ULK4: variants seen among roughly 807,000 people sequenced by gnomAD.
The protein encoded by ULK4 is unc-51 like kinase 4, also known as inactive serine/threonine-protein kinase ULK4.
In ULK4, 133 loss-of-function variants were observed where a neutral mutation model predicts 160.6. The ratio of observed to expected loss-of-function variants is 0.83; its 90% CI spans 0.72 to 0.96. The LOEUF (loss-of-function observed/expected upper bound fraction) is 0.96, where lower values mean the gene tolerates loss of function less well. ULK4 is among the 40% of genes least tolerant of loss of function. The pLI is 0.00. For synonymous variants in ULK4, 534 were observed against 539.8 expected (o/e 0.99, Z 0.15); for missense variants, 1,580 against 1,499.5 (o/e 1.05, Z -0.89).
At chr3:41,743,724 G>A (rs1360458928) in intron 22 of ULK4, among the ~76,000 whole-genome samples, 4 of 151,770 alleles carry the variant, frequency 2.6e-5, no homozygotes, top group Non-Finnish European at 4.4e-5. Flanking sequence ...GGAGTGCAGT[G>A]GCACAATCTT....
rs973795098 is a variant in ULK4 at position 41,868,667 on chromosome 3, A to T, written c.1656+15207T>A. Reference sequence around the variant, plus strand: ...ATCATATCCACCTAATTTTTTTTGTATTTTTTTTTTAGTAGAGACAGGTTT... The same window carrying T: ...ATCATATCCACCTAATTTTTTTTGTTTTTTTTTTTTAGTAGAGACAGGTTT... On this transcript the variant is annotated intron_variant, in intron 17 of 36. Coordinates refer to ENST00000301831, the MANE Select transcript of ULK4 (RefSeq NM_017886.4). Among the ~76,000 whole-genome samples the T allele has an allele frequency of 1.4e-3, 206 of 148,640 alleles. 1 individual carries two copies. The highest frequency in any genetic ancestry group is 1.5e-3 in the Admixed American group (22 of 14,846).
intron 35 of ULK4, among the ~76,000 whole-genome samples, chr3:41,380,000 G>A (rs1028362267): frequency 2.0e-5 from 3 of 152,144 alleles, no homozygotes; most frequent in African/African-American, 7.2e-5. Flanking sequence ...TTGGGTAGTT[G>A]GCTGTCATGT....
rs138865096 is a variant in ULK4 at position 41,266,514 on chromosome 3, C to T, written c.3679-16940G>A. 3.7e-4 allele frequency among the ~76,000 whole-genome samples: 57 copies of T among 152,152 alleles called. No homozygotes were observed. The East Asian group carries it at 9.3e-3, about 25-fold the overall frequency. The stretch of plus-strand genomic sequence containing the variant: ...CCCTCCCAGTCCAGGTGAGCTACCA[C>T]GGGGGAATTCTCACGCACAGGCTGT... On this transcript the variant is annotated intron_variant, in intron 35 of 36. Transcript: ENST00000301831.
chr3:41,863,868 G>A (rs1200857986), intron 17 of ULK4, among the ~76,000 whole-genome samples: 5 of 151,700 alleles, frequency 3.3e-5, no homozygotes, highest in African/African-American at 1.2e-4. Context: ...CAAGCAGAAG[G>A]AAGGGGTCTT....
At chr3:41,643,669 A>C (rs994611864) in intron 30 of ULK4, among the ~76,000 whole-genome samples, 6 of 152,020 alleles carry the variant, frequency 3.9e-5, no homozygotes, top group Non-Finnish European at 7.4e-5. Context: ...TGACTCGGTG[A>C]TGCAGGCTCT....
intron 16 of ULK4, among the ~76,000 whole-genome samples, chr3:41,884,275 C>A (rs1045083370): frequency 7.9e-5 from 12 of 152,026 alleles, no homozygotes; most frequent in African/African-American, 2.7e-4. Flanking sequence ...GTAATTAATC[C>A]TTTTATTGCT....
intron 21 of ULK4, among the ~76,000 whole-genome samples, chr3:41,762,010 G>A (rs549677552): frequency 6.6e-6 from 1 of 152,146 alleles, no homozygotes; most frequent in Non-Finnish European, 1.5e-5. Context: ...CTTGAGCCCA[G>A]GAGGTCGAGG....
intron 8 of ULK4, 80 bp from the exon 9 acceptor site, chr3:41,912,979 A>C: frequency 7.9e-7 from 1 of 1,264,514 alleles, no homozygotes; most frequent in Non-Finnish European, 1.1e-6. Context: ...CCAATTACAC[A>C]TAGCAGATTT....
intron 34 of ULK4, among the ~76,000 whole-genome samples, chr3:41,430,943 G>C (rs60185808): frequency 1.3e-5 from 2 of 152,306 alleles, no homozygotes; most frequent in African/African-American, 4.8e-5. Flanking sequence ...ATCAAACTCA[G>C]AGAATTTACT....
chr3:41,787,264 G>A (rs2040023896), intron 21 of ULK4, among the ~76,000 whole-genome samples: 2 of 152,036 alleles, frequency 1.3e-5, no homozygotes, highest in African/African-American at 4.8e-5. Flanking sequence ...ACGACAGAAA[G>A]TCCTCCACCA....
chr3:41,832,543 A>G (rs2041626567), intron 18 of ULK4, among the ~76,000 whole-genome samples: 1 of 152,136 alleles, frequency 6.6e-6, no homozygotes, highest in Admixed American at 6.5e-5. Context: ...CTTTAGTTTA[A>G]TTAGATCCCA....
chr3:41,754,078 C>T (rs1039740623), intron 22 of ULK4, among the ~76,000 whole-genome samples: 2 of 152,102 alleles, frequency 1.3e-5, no homozygotes, highest in African/African-American at 4.8e-5. Flanking sequence ...ACCCTTGACA[C>T]GTGGGGATTA....
chr3:41,520,266 A>C (rs2085888872), intron 32 of ULK4, among the ~76,000 whole-genome samples: 1 of 151,746 alleles, frequency 6.6e-6, no homozygotes, highest in South Asian at 2.1e-4. Context: ...AGTCCCTATA[A>C]ATTTGATTTT....
intron 17 of ULK4, among the ~76,000 whole-genome samples, chr3:41,843,619 G>A (rs536675475): frequency 2.6e-5 from 4 of 152,260 alleles, no homozygotes; most frequent in South Asian, 2.1e-4. Flanking sequence ...CTGGCTTCAG[G>A]AGTGAAGCTG....
At chr3:41,882,341 G>A (rs944049921) in intron 17 of ULK4, 3 of 699,590 alleles carry the variant, frequency 4.3e-6, no homozygotes, top group Non-Finnish European at 7.8e-6. Context: ...CTGTGAAAAA[G>A]ATAAAGTAGA....
chr3:41,943,730 C>A (rs184505105), intron 2 of ULK4, among the ~76,000 whole-genome samples: 38 of 152,248 alleles, frequency 2.5e-4, no homozygotes, highest in African/African-American at 8.9e-4. Flanking sequence ...TTGTACCATA[C>A]CCTGCCTTAC....
intron 34 of ULK4, among the ~76,000 whole-genome samples, chr3:41,429,521 G>A (rs1439945552): frequency 1.3e-5 from 2 of 152,166 alleles, no homozygotes; most frequent in Non-Finnish European, 2.9e-5. Context: ...AGTGAGACTG[G>A]ATAAAGAAAA....
chr3:41,861,731 T>C (rs2042501688), intron 17 of ULK4, among the ~76,000 whole-genome samples: 1 of 152,186 alleles, frequency 6.6e-6, no homozygotes. Flanking sequence ...GAATAAACTT[T>C]TTACCTCTAT....
chr3:41,789,392 A>G (rs866385504), intron 21 of ULK4, among the ~76,000 whole-genome samples: 14 of 152,226 alleles, frequency 9.2e-5, no homozygotes, highest in Middle Eastern at 3.2e-3. Flanking sequence ...AAATGCCAGC[A>G]TATAGGAAGG....
Sources: gnomAD v4.1 joint callset for allele counts (sites outside exome capture counted in the v4.1 genomes callset) on GRCh38, gnomAD v4.1.1 for gene constraint, MANE v1.5 for transcripts, NCBI Gene and HGNC (gene_info 2026-07-23, HGNC 2026-07-21) for gene names.